Variants in CELSR1 observed in about 807,000 individuals in gnomAD.
CELSR1 encodes adhesion G protein-coupled receptor C1.
Under a neutral mutation model 249.1 loss-of-function variants are expected in CELSR1, and 110 were observed. The ratio of observed to expected loss-of-function variants is 0.44; its 90% confidence interval spans 0.38 to 0.52. CELSR1 has a LOEUF of 0.52. CELSR1 is among the 20% of genes least tolerant of loss of function. The pLI, the probability that CELSR1 is intolerant of heterozygous loss-of-function variation, is 0.00. For missense variants in CELSR1, 4,109 were observed against 4,296.4 expected, an observed-to-expected ratio of 0.96 and a Z score of 1.22; for synonymous variants, 2,113 against 1,900.0, an observed-to-expected ratio of 1.11 and a Z score of -2.92.
intron 1 of CELSR1, chr22:46,530,352 ATAT>A (rs2080779633): frequency 6.7e-6 from 1 of 148,746 alleles, no homozygotes; most frequent in African/African-American, 2.4e-5. Context: ...CATATATTAT[ATAT>A]TATATATAAT....
In CELSR1 at chr22:46,454,500, G is replaced by A. The variant is rs534946247; in HGVS notation, c.4183+9207C>T. On this transcript the variant is annotated intron_variant, in intron 2 of 34. Coordinates refer to ENST00000674500, the MANE Select transcript of CELSR1 (RefSeq NM_001378328.1). The surrounding 1 kb of genome is among the most constrained non-coding windows in gnomAD (Gnocchi z 5.1). ...GTCTCCCCTCAACAGCACAGACTTCGAAGTCACGGGGAACGGCGTGTGCTT... is the reference window on the plus strand; with the variant it reads ...GTCTCCCCTCAACAGCACAGACTTCAAAGTCACGGGGAACGGCGTGTGCTT... Among the ~76,000 whole-genome samples, 2 of 152,344 alleles carry A rather than the reference G, an allele frequency of 1.3e-5. No homozygotes were observed.
At chr22:46,456,789 A>G (rs1181515756) in intron 2 of CELSR1, among the ~76,000 whole-genome samples, 1 of 150,760 alleles carries the variant, frequency 6.6e-6, no homozygotes, top group Non-Finnish European at 1.5e-5. Context: ...ATGAGCACAC[A>G]GGTGATTATG....
chr22:46,436,412 G>A lies in CELSR1; in HGVS notation c.4407-123C>T, dbSNP rs1298892607. 1.5e-6 allele frequency: 1 copy of A among 648,484 alleles called. No homozygotes were observed. The highest frequency in any genetic ancestry group is 2.8e-6 in the Non-Finnish European group (1 of 362,096). The allele number at this position is 648,484 out of a possible 1,614,324, so 40.2% of individuals were successfully genotyped here. On this transcript the variant is annotated intron_variant, in intron 3 of 34. Coordinates refer to ENST00000674500, the MANE Select transcript of CELSR1 (RefSeq NM_001378328.1). The surrounding 1 kb of genome is among the most constrained non-coding windows in gnomAD (Gnocchi z 5.9). Reference sequence around the variant, plus strand: ...GGGCTACGATTCAGGAAAGAATGGTGTCAGGCATGCGTCCTTCTCATAGGA... The same window carrying A: ...GGGCTACGATTCAGGAAAGAATGGTATCAGGCATGCGTCCTTCTCATAGGA...
chr22:46,415,219 G>A (rs1464575767), intron 5 of CELSR1, among the ~76,000 whole-genome samples: 5 of 152,052 alleles, frequency 3.3e-5, no homozygotes, highest in Admixed American at 1.3e-4. Context: ...GCATGATCTC[G>A]GCTCACTGCA....
chr22:46,533,915 T>C lies in CELSR1; in HGVS notation c.3256A>G (p.Thr1086Ala), dbSNP rs778001796. The C allele has an allele frequency of 1.2e-5, 20 of 1,613,212 alleles. No individual in the cohort carries two copies. The highest frequency in any genetic ancestry group is 1.7e-5 in the Non-Finnish European group (20 of 1,180,014). ...ATSAPLVSRA[T>A]VHILLVDQND... ...TGGTCCACGAGAAGGATGTGCACCG[T>C]GGCTCGGCTCACCAGCGGAGCCGAC... Residue 1086 changes from threonine (T) to alanine (A), a missense_variant, in exon 1 of 35, where the codon ACG becomes GCG. Around this residue, in one of 7 missense-constraint regions of CELSR1, gnomAD observed 886 missense variants for 896.5 expected, o/e 0.99. Transcript: ENST00000674500.
rs2079802370 is a variant in CELSR1, at chr22:46,445,003, C to T, written c.4184-5592G>A. 1.3e-5 allele frequency among the ~76,000 whole-genome samples: 2 copies of T among 151,958 alleles called. No homozygotes were observed. Among genetic ancestry groups the T allele is most frequent in the South Asian group, 2.1e-4 (1 of 4,806 alleles). ...GGTGGATCACCTGAGATCAGGGGTT[C>T]GCGAGCCTGGCCAACATGGTGAAAC... On this transcript the variant is annotated intron_variant, in intron 2 of 34. Coordinates refer to ENST00000674500, the MANE Select transcript of CELSR1 (RefSeq NM_001378328.1). The surrounding 1 kb of genome is among the most constrained non-coding windows in gnomAD (Gnocchi z 4.4).
intron 1 of CELSR1, among the ~76,000 whole-genome samples, chr22:46,524,413 G>A (rs2080716968): frequency 6.6e-6 from 1 of 152,158 alleles, no homozygotes; most frequent in Non-Finnish European, 1.5e-5. Flanking sequence ...AGCTCTGAGG[G>A]ACACATCCTG....
At chr22:46,419,332 A>G (rs1031526087) in intron 5 of CELSR1, among the ~76,000 whole-genome samples, 3 of 152,304 alleles carry the variant, frequency 2.0e-5, no homozygotes, top group African/African-American at 7.2e-5. Context: ...TGGGGATTTT[A>G]TAGGCAAAAA....
Position 46,430,171 on chromosome 22 carries a change from T to C in CELSR1, c.4611+3222A>G, listed in dbSNP as rs117789663. On this transcript the variant is annotated intron_variant, in intron 5 of 34. Coordinates refer to ENST00000674500, the MANE Select transcript of CELSR1 (RefSeq NM_001378328.1). This position sits in a 1 kb window ranked among gnomAD's most constrained non-coding sequence, Gnocchi z 4.6. ...CCACACCTCAGAGACACAGCCACTCTGGAGGGCGGGGGACAGAGAACGAGA... is the reference window on the plus strand; with the variant it reads ...CCACACCTCAGAGACACAGCCACTCCGGAGGGCGGGGGACAGAGAACGAGA... Among the ~76,000 whole-genome samples, 164 of 152,340 alleles carry C rather than the reference T, an allele frequency of 1.1e-3. 1 individual carries two copies. The East Asian group carries it at 0.031, about 29-fold the overall frequency.
chr22:46,371,057 C>T lies in CELSR1; in HGVS notation c.7760-1253G>A, dbSNP rs114043909. 1.0e-3 allele frequency among the ~76,000 whole-genome samples: 153 copies of T among 152,336 alleles called. 1 individual carries two copies. Among genetic ancestry groups the T allele is most frequent in the African/African-American group, 3.6e-3 (149 of 41,564 alleles). On this transcript the variant is annotated intron_variant, in intron 25 of 34. Coordinates refer to ENST00000674500, the MANE Select transcript of CELSR1 (RefSeq NM_001378328.1). ...CCATGTTCTTCATCTCAGCGTCTCTCACAGTAAGCACCTAATCTAGGCAAG... is the reference window on the plus strand; with the variant it reads ...CCATGTTCTTCATCTCAGCGTCTCTTACAGTAAGCACCTAATCTAGGCAAG...
At chr22:46,368,003 C>T in intron 27 of CELSR1, 148 bp from the exon 28 acceptor site, 1 of 1,133,524 alleles carries the variant, frequency 8.8e-7, no homozygotes. Context: ...ATCCACCTTG[C>T]TCCCTTCCTC....
intron 1 of CELSR1, among the ~76,000 whole-genome samples, chr22:46,496,140 G>A (rs577496815): frequency 6.6e-6 from 1 of 151,178 alleles, no homozygotes; most frequent in East Asian, 1.9e-4. Context: ...GTTGCAGTGA[G>A]CCAAGATGGC....
In CELSR1 at chr22:46,484,655, G is replaced by A. The variant is rs1233497675; in HGVS notation, c.3545-20310C>T. Among the ~76,000 whole-genome samples the A allele has an allele frequency of 6.9e-6, 1 of 144,530 alleles. No individual in the cohort carries two copies. The highest frequency in any genetic ancestry group is 2.5e-5 in the African/African-American group (1 of 39,358). 94.8% of individuals were successfully genotyped at this position (144,530 alleles called of 152,430 possible). On this transcript the variant is annotated intron_variant, in intron 1 of 34. Coordinates refer to ENST00000674500, the MANE Select transcript of CELSR1 (RefSeq NM_001378328.1). The surrounding 1 kb of genome is among the most constrained non-coding windows in gnomAD (Gnocchi z 4.5). ...TCACTGCAGCACCTGTTTTGGCTGG[G>A]CATGGGGGTTCTGCCCCAGAGACCC...
rs1199638657 is a variant in CELSR1 at position 46,439,274 on chromosome 22, C to G, written c.4321G>C (p.Glu1441Gln). The change falls in exon 3 of 35, where the codon GAG becomes CAG. Residue 1441 changes from glutamate to glutamine, a missense_variant. Coordinates refer to ENST00000674500, the MANE Select transcript of CELSR1 (RefSeq NM_001378328.1). ...PPGEYERPYC[E>Q]VTTRSFPPQS... ...GGCGGGAAGCTCCTGGTGGTCACCTCACAGTAGGGCCTCTCATACTCGCCA... is the reference window on the plus strand; with the variant it reads ...GGCGGGAAGCTCCTGGTGGTCACCTGACAGTAGGGCCTCTCATACTCGCCA... The G allele has an allele frequency of 1.9e-6, 3 of 1,613,964 alleles. No homozygotes were observed. The highest frequency in any genetic ancestry group is 1.7e-6 in the Non-Finnish European group (2 of 1,179,994).
chr22:46,528,267 T>C (rs1174391614), intron 1 of CELSR1, among the ~76,000 whole-genome samples: 1 of 152,074 alleles, frequency 6.6e-6, no homozygotes, highest in African/African-American at 2.4e-5. Flanking sequence ...AGGCAAACAC[T>C]TAGGGAAGCT....
At chr22:46,418,172 C>T (rs2079424867) in intron 5 of CELSR1, among the ~76,000 whole-genome samples, 1 of 152,246 alleles carries the variant, frequency 6.6e-6, no homozygotes, top group African/African-American at 2.4e-5. Context: ...TTTAATACTT[C>T]CCTATATTAA....
intron 1 of CELSR1, among the ~76,000 whole-genome samples, chr22:46,510,495 C>T (rs1175905553): frequency 6.6e-6 from 1 of 152,208 alleles, no homozygotes; most frequent in African/African-American, 2.4e-5. Flanking sequence ...TGAGGTGCCC[C>T]CTTGGCTCAG....
In CELSR1 at chr22:46,440,273, G is replaced by T. The variant is rs1277007021; in HGVS notation, c.4184-862C>A. 6.6e-6 allele frequency among the ~76,000 whole-genome samples: 1 copy of T among 152,166 alleles called. No homozygotes were observed. Among genetic ancestry groups the T allele is most frequent in the African/African-American group, 2.4e-5 (1 of 41,440 alleles). On this transcript the variant is annotated intron_variant, in intron 2 of 34. Transcript: ENST00000674500. This position sits in a 1 kb window ranked among gnomAD's most constrained non-coding sequence, Gnocchi z 4.7. ...TCCTCCAGCAACCAGGTGTGTGGCT[G>T]GTGACACTCCCGCCCCCGGACAGGG... is the stretch of plus-strand genomic sequence containing the variant.
chr22:46,534,131 C>T lies in CELSR1; in HGVS notation c.3040G>A (p.Val1014Met). Residue 1014 changes from valine (V) to methionine (M), a missense_variant, in exon 1 of 35, where the codon GTG becomes ATG. By Grantham distance (21) the Val-to-Met change is conservative (BLOSUM62 1). Transcript: ENST00000674500. The surrounding 1 kb of genome is among the most constrained non-coding windows in gnomAD (Gnocchi z 9.7). ...LELFVEENNP[V>M]GSVVAKIRAN... ...CGAATCTTTGCCACCACCGACCCCA[C>T]TGGGTTGTTCTCCTCAACAAACAGC... 1 of 1,613,840 alleles carries T rather than the reference C, an allele frequency of 6.2e-7. No homozygotes were observed. The highest frequency in any genetic ancestry group is 1.3e-5 in the African/African-American group (1 of 75,060).
Sources: gnomAD v4.1 joint callset for allele counts (sites outside exome capture counted in the v4.1 genomes callset) on GRCh38, gnomAD v4.1.1 for gene constraint, gnomAD v4.1.1 regional missense constraint, Gnocchi (gnomAD v3.1) non-coding constraint, MANE v1.5 for transcripts, NCBI Gene and HGNC (gene_info 2026-07-23, HGNC 2026-07-21) for gene names.